The following PCDH11X variants were observed in gnomAD, a reference collection of about 807,000 sequenced individuals.
PCDH11X encodes the protein protocadherin 11 X-linked, also known as protocadherin-11 X-linked.
In PCDH11X, 18 loss-of-function variants were observed where a neutral mutation model predicts 53.3. The ratio of observed to expected loss-of-function variants is 0.34; its 90% CI spans 0.23 to 0.50. The LOEUF (loss-of-function observed/expected upper bound fraction) is 0.50. Ranked by LOEUF, PCDH11X falls within the 20% of genes least tolerant of loss-of-function variation. The probability of loss-of-function intolerance (pLI) is 0.98; values close to 1 mark genes in which losing one functional copy is unlikely to be tolerated. For synonymous variants in PCDH11X, 279 were observed against 393.3 expected (o/e 0.71, Z 3.44); for missense variants, 570 against 1,032.4 (o/e 0.55, Z 6.14).
intron 4 of PCDH11X, among the ~76,000 whole-genome samples, chrX:91,816,355 A>AT (rs1936452032): frequency 2.7e-5 from 3 of 110,512 alleles, no homozygotes; most frequent in South Asian, 3.8e-4. Context: ...TTTTCTTTTC[A>AT]TTTTTTAGGG....
intron 6 of PCDH11X, among the ~76,000 whole-genome samples, chrX:92,173,096 A>C (rs1340401082): frequency 8.9e-6 from 1 of 112,020 alleles, no homozygotes; most frequent in African/African-American, 3.2e-5. Context: ...GTTGTCACTG[A>C]AAAACTGCTT....
chrX:92,568,381 C>T (rs1257633568), intron 10 of PCDH11X, among the ~76,000 whole-genome samples: 1 of 107,572 alleles, frequency 9.3e-6, no homozygotes, highest in Non-Finnish European at 1.9e-5. Context: ...GAGATGGCGC[C>T]ACTGCATTCC....
At chrX:92,316,357 G>C (rs1203976872) in intron 8 of PCDH11X, among the ~76,000 whole-genome samples, 8 of 110,587 alleles carry the variant, frequency 7.2e-5, no homozygotes, top group Non-Finnish European at 1.1e-4. Flanking sequence ...TCTCTAAACA[G>C]ACCAGTGAAT....
rs372757429 is a variant in PCDH11X at position 92,594,841 on chromosome X, A to ATT, written c.3368-23416_3368-23415dup. 2.7e-3 allele frequency among the ~76,000 whole-genome samples: 223 copies of ATT among 82,539 alleles called. 1 individual carries two copies. Among genetic ancestry groups the ATT allele is most frequent in the African/African-American group, 4.9e-3 (89 of 18,083 alleles). 71.7% of individuals were successfully genotyped at this position (82,539 alleles called of 115,157 possible). A position where few individuals can be genotyped will look rare whatever the true frequency, so the allele number is the denominator to read the frequency against. On this transcript the variant is annotated intron_variant, in intron 10 of 10. Transcript: ENST00000682573. ...CTACGAATTTGTTTAAAACATTGCT[A>ATT]TTTTTTTTGTTTGTTTGTTTTGGAG...
rs12838590 is a variant in PCDH11X at position 91,900,955 on chromosome X, T to A, written c.3033+21682T>A. On this transcript the variant is annotated intron_variant, in intron 6 of 10. Coordinates refer to ENST00000682573, the MANE Select transcript of PCDH11X (RefSeq NM_032968.5). ...GATTCTCCTCAAAATTAGAAAGAGA[T>A]GGAGAAAACTGTTCCTGTGTGTCTA... 1.0e-3 allele frequency among the ~76,000 whole-genome samples: 113 copies of A among 111,020 alleles called. 3 individuals carry two copies. The South Asian group carries it at 0.042, about 42-fold the overall frequency.
chrX:92,015,934 C>T, intron 6 of PCDH11X, among the ~76,000 whole-genome samples: 1 of 111,477 alleles, frequency 9.0e-6, no homozygotes, highest in Admixed American at 9.6e-5. Flanking sequence ...GCAGCTATAA[C>T]CTTATGAAAT....
At chrX:91,792,660 G>GA (rs1036587422) in intron 1 of PCDH11X, among the ~76,000 whole-genome samples, 10 of 110,820 alleles carry the variant, frequency 9.0e-5, no homozygotes, top group Non-Finnish European at 1.7e-4. Context: ...ATATTCATTA[G>GA]AAAAAAAATT....
intron 7 of PCDH11X, among the ~76,000 whole-genome samples, chrX:92,211,646 C>T (rs1254475604): frequency 8.9e-6 from 1 of 111,981 alleles, no homozygotes; most frequent in East Asian, 2.8e-4. Flanking sequence ...GGAACTGCTA[C>T]ATTAATCTTA....
intron 10 of PCDH11X, among the ~76,000 whole-genome samples, chrX:92,615,655 T>TC (rs955037280): frequency 9.0e-6 from 1 of 110,928 alleles, no homozygotes; most frequent in African/African-American, 3.3e-5. Flanking sequence ...CTGCTAGGTC[T>TC]CAAAGGAATG....
intron 6 of PCDH11X, among the ~76,000 whole-genome samples, chrX:92,126,907 T>C (rs768905767): frequency 1.3e-4 from 14 of 108,136 alleles, no homozygotes; most frequent in African/African-American, 4.7e-4. Flanking sequence ...CAATGGAAGC[T>C]GATTTTTGTT....
intron 6 of PCDH11X, among the ~76,000 whole-genome samples, chrX:92,131,720 T>C (rs1392837971): frequency 9.0e-6 from 1 of 111,137 alleles, no homozygotes; most frequent in Non-Finnish European, 1.9e-5. Context: ...CTCAGTACAT[T>C]TACTTAATCC....
rs559979840 is a variant in PCDH11X, at chrX:92,064,994, A to G, written c.3034-136381A>G. On this transcript the variant is annotated intron_variant, in intron 6 of 10. Transcript: ENST00000682573. ...ACTCCAGGAGGCTGAGGGTGGACCCAAGGAGCTGCAGGATGGATTCCAGAA... is the reference window on the plus strand; with the variant it reads ...ACTCCAGGAGGCTGAGGGTGGACCCGAGGAGCTGCAGGATGGATTCCAGAA... Among the ~76,000 whole-genome samples, 14 of 105,865 alleles carry G rather than the reference A, an allele frequency of 1.3e-4. No individual in the cohort carries two copies. The South Asian group carries it at 5.7e-3, about 43-fold the overall frequency. 91.9% of individuals were successfully genotyped at this position (105,865 alleles called of 115,157 possible).
chrX:91,877,766 C>T lies in PCDH11X; in HGVS notation c.1526C>T (p.Ala509Val). 1 of 1,211,655 alleles carries T rather than the reference C, an allele frequency of 8.3e-7. No homozygotes were observed. The highest frequency in any genetic ancestry group is 1.1e-6 in the Non-Finnish European group (1 of 895,449). ...AKINYLLGPDAPPEFSLDCRT... is the reference protein window; with the variant it reads ...AKINYLLGPDVPPEFSLDCRT... ...ATCAATTACCTGCTAGGCCCTGATG[C>T]TCCACCTGAATTCAGCCTGGATTGT... The change falls in exon 6 of 11, where the codon GCT becomes GTT. Residue 509 changes from alanine to valine, a missense_variant. Coordinates refer to ENST00000682573, the MANE Select transcript of PCDH11X (RefSeq NM_032968.5).
At chrX:92,499,535 C>T (rs2073919742) in intron 10 of PCDH11X, among the ~76,000 whole-genome samples, 1 of 79,783 alleles carries the variant, frequency 1.3e-5, no homozygotes, top group African/African-American at 4.4e-5. Context: ...TACGGTGGCT[C>T]ATGCCTGTAA....
chrX:91,897,615 ATATAT>A (rs1940798513), intron 6 of PCDH11X, among the ~76,000 whole-genome samples: 1 of 99,049 alleles, frequency 1.0e-5, no homozygotes, highest in African/African-American at 3.7e-5. Context: ...TAAATTGGAA[ATATAT>A]TTTGTTTCTG....
intron 6 of PCDH11X, among the ~76,000 whole-genome samples, chrX:92,185,186 C>T (rs1287695133): frequency 9.0e-6 from 1 of 110,680 alleles, no homozygotes; most frequent in East Asian, 2.8e-4. Flanking sequence ...TTCGAGGCTG[C>T]AGTGAGCTAT....
intron 6 of PCDH11X, among the ~76,000 whole-genome samples, chrX:91,966,318 G>C (rs5942108): frequency 0.2 from 21,935 of 110,523 alleles, 2,253 homozygotes; most frequent in Admixed American, 0.48. Context: ...TGAATTTCAA[G>C]AGAAAGAATA....
intron 6 of PCDH11X, among the ~76,000 whole-genome samples, chrX:91,953,858 A>T (rs1254816200): frequency 9.1e-6 from 1 of 110,420 alleles, no homozygotes; most frequent in Non-Finnish European, 1.9e-5. Context: ...GACATCTACA[A>T]GAGCACAAAA....
At chrX:92,258,275 G>T (rs746350674) in intron 7 of PCDH11X, among the ~76,000 whole-genome samples, 36 of 111,245 alleles carry the variant, frequency 3.2e-4, no homozygotes, top group Non-Finnish European at 4.7e-4. Flanking sequence ...GTAATGGGGG[G>T]TGCTACGGTG....
Sources: allele counts gnomAD v4.1 joint callset (sites outside exome capture counted in the v4.1 genomes callset), GRCh38; gene constraint gnomAD v4.1.1; transcripts MANE v1.5; gene names NCBI Gene and HGNC (gene_info 2026-07-23, HGNC 2026-07-21).